COL25A1: variants seen among roughly 807,000 people sequenced by gnomAD.
COL25A1 encodes collagen alpha-1(XXV) chain.
COL25A1 carries 103 observed loss-of-function variants against 128.4 expected under a neutral mutation model. The observed-to-expected ratio is 0.80, with a 90% confidence interval of 0.68 to 0.94. The LOEUF is 0.94. Among genes scored for constraint, COL25A1 ranks in the 40% least tolerant of loss-of-function variants. The pLI is 0.00. For missense variants in COL25A1, 745 were observed against 840.0 expected, an observed-to-expected ratio of 0.89 and a Z score of 1.40; for synonymous variants, 279 against 277.2, an observed-to-expected ratio of 1.01 and a Z score of -0.06.
At chr4:108,995,176 G>A (rs35966593) in intron 6 of COL25A1, among the ~76,000 whole-genome samples, 121,046 of 152,110 alleles carry the variant, frequency 0.8, 49,328 homozygotes, top group East Asian at 1. Flanking sequence ...TCTCCGAGCT[G>A]AAGGAGCATA....
chr4:109,065,837 G>C (rs564971706), intron 3 of COL25A1, among the ~76,000 whole-genome samples: 27 of 152,238 alleles, frequency 1.8e-4, no homozygotes, highest in Admixed American at 1.6e-3. Flanking sequence ...AGTATTCACT[G>C]TATGGCAAGG....
At chr4:109,019,361 C>T (rs1648033) in intron 5 of COL25A1, among the ~76,000 whole-genome samples, 5 of 11,638 alleles carry the variant, frequency 4.3e-4, no homozygotes, top group African/African-American at 1.5e-3. Flanking sequence ...CACACACACA[C>T]ACACACACAC....
At chr4:108,913,261 C>CTTTT (rs201929872) in intron 13 of COL25A1, among the ~76,000 whole-genome samples, 2 of 92,416 alleles carry the variant, frequency 2.2e-5, no homozygotes, top group Admixed American at 1.5e-4. Context: ...TCTCTAGCTC[C>CTTTT]TTTTTTTTTT....
At chr4:109,050,882 G>GTT (rs1250927312) in intron 3 of COL25A1, among the ~76,000 whole-genome samples, 6 of 137,436 alleles carry the variant, frequency 4.4e-5, no homozygotes, top group Non-Finnish European at 9.6e-5. Flanking sequence ...AAAAAAACTT[G>GTT]TTTTTTTTTT....
At chr4:108,885,600 T>C (rs1740680329) in intron 18 of COL25A1, among the ~76,000 whole-genome samples, 1 of 152,192 alleles carries the variant, frequency 6.6e-6, no homozygotes, top group African/African-American at 2.4e-5. Flanking sequence ...TTGATCTTCT[T>C]TTACTTTCTC....
intron 6 of COL25A1, among the ~76,000 whole-genome samples, chr4:109,007,716 C>A (rs1366796725): frequency 6.6e-6 from 1 of 152,170 alleles, no homozygotes; most frequent in Non-Finnish European, 1.5e-5. Flanking sequence ...AGCCTCCTTG[C>A]AAATTTTCAA....
At position 109,092,343 on chromosome 4, in the gene COL25A1, T is replaced by C. The variant is rs530023721; in HGVS notation, c.368-42164A>G. Among the ~76,000 whole-genome samples, 82 of 152,182 alleles carry C rather than the reference T, an allele frequency of 5.4e-4. 1 individual carries two copies. The highest frequency in any genetic ancestry group is 1.9e-3 in the African/African-American group (78 of 41,508). On this transcript the variant is annotated intron_variant, in intron 3 of 37. Transcript: ENST00000399132. ...TTCTTTTTAAAAAATTAGCTGGGTG[T>C]GGTGGTGCGCAGTCTCAGGTAGTCC...
At chr4:108,872,218 C>A (rs2125815239) in intron 19 of COL25A1, among the ~76,000 whole-genome samples, 1 of 152,194 alleles carries the variant, frequency 6.6e-6, no homozygotes, top group East Asian at 1.9e-4. Context: ...GAGTTTGAGA[C>A]CAGCCTGGCC....
intron 8 of COL25A1, among the ~76,000 whole-genome samples, chr4:108,943,382 C>T (rs1183603759): frequency 1.3e-5 from 2 of 152,054 alleles, no homozygotes; most frequent in Non-Finnish European, 2.9e-5. Context: ...ATACTTATTC[C>T]CCAGAATAAA....
At chr4:109,143,706 T>C (rs1007885132) in intron 3 of COL25A1, among the ~76,000 whole-genome samples, 1 of 152,220 alleles carries the variant, frequency 6.6e-6, no homozygotes, top group Non-Finnish European at 1.5e-5. Flanking sequence ...CAGCTATTGA[T>C]ACTTGTGTAT....
At chr4:109,244,121 G>A in intron 3 of COL25A1, among the ~76,000 whole-genome samples, 1 of 148,144 alleles carries the variant, frequency 6.8e-6, no homozygotes. Context: ...CCCGGAAGAA[G>A]TAAAGAGAAA....
chr4:109,291,717 A>T (rs538999562), intron 3 of COL25A1, among the ~76,000 whole-genome samples: 5 of 152,216 alleles, frequency 3.3e-5, no homozygotes, highest in African/African-American at 9.6e-5. Flanking sequence ...AGAAATTTGA[A>T]GAAACACAGA....
chr4:109,085,161 C>T (rs541705763), intron 3 of COL25A1, among the ~76,000 whole-genome samples: 2 of 152,218 alleles, frequency 1.3e-5, no homozygotes, highest in African/African-American at 4.8e-5. Context: ...CTCTCTCATC[C>T]ATTGCAGCTG....
intron 6 of COL25A1, among the ~76,000 whole-genome samples, chr4:109,005,058 T>A (rs1401044267): frequency 6.6e-6 from 1 of 152,144 alleles, no homozygotes; most frequent in African/African-American, 2.4e-5. Context: ...GACTAAGTAA[T>A]TTACAAAGAA....
At chr4:109,168,407 G>A (rs1027909662) in intron 3 of COL25A1, among the ~76,000 whole-genome samples, 1 of 152,040 alleles carries the variant, frequency 6.6e-6, no homozygotes, top group Non-Finnish European at 1.5e-5. Context: ...TAAATGCAAC[G>A]ACTTTCTCTT....
At chr4:109,230,773 A>AT (rs1362608637) in intron 3 of COL25A1, among the ~76,000 whole-genome samples, 2 of 152,254 alleles carry the variant, frequency 1.3e-5, no homozygotes, top group African/African-American at 4.8e-5. Flanking sequence ...AAAGAAATAG[A>AT]TATCTATGAC....
chr4:109,213,285 T>A (rs1027644063), intron 3 of COL25A1, among the ~76,000 whole-genome samples: 1 of 152,150 alleles, frequency 6.6e-6, no homozygotes, highest in South Asian at 2.1e-4. Context: ...TGTGGTAGAT[T>A]ACAGACAGCT....
At position 109,000,762 on chromosome 4, in the gene COL25A1, AAAAAAAG is replaced by A. The variant is rs1336068909; in HGVS notation, c.438+9589_438+9595del. On this transcript the variant is annotated intron_variant, in intron 6 of 37. Coordinates refer to ENST00000399132, the MANE Select transcript of COL25A1 (RefSeq NM_198721.4). ...CTCTGTCAAAAAAAAAAAAAAAAAAAAAAAAAGAAAAAACTATACACATAACACTTTG... is the reference window on the plus strand; with the variant it reads ...CTCTGTCAAAAAAAAAAAAAAAAAAAAAAAAACTATACACATAACACTTTG... 1.7e-3 allele frequency among the ~76,000 whole-genome samples: 241 copies of A among 140,452 alleles called. 1 individual carries two copies. The highest frequency in any genetic ancestry group is 2.5e-3 in the Non-Finnish European group (161 of 65,278). 92.1% of individuals were successfully genotyped at this position (140,452 alleles called of 152,430 possible).
intron 3 of COL25A1, among the ~76,000 whole-genome samples, chr4:109,138,984 C>T (rs528545233): frequency 6.6e-6 from 1 of 152,088 alleles, no homozygotes; most frequent in Non-Finnish European, 1.5e-5. Context: ...TGGGATTACA[C>T]GCATGAGCCA....
Sources: gnomAD v4.1 joint callset for allele counts (sites outside exome capture counted in the v4.1 genomes callset) on GRCh38, gnomAD v4.1.1 for gene constraint, MANE v1.5 for transcripts, NCBI Gene and HGNC (gene_info 2026-07-23, HGNC 2026-07-21) for gene names.